Variants in SH3RF3 observed in about 807,000 individuals in gnomAD.
The protein encoded by SH3RF3 is SH3 domain containing ring finger 3.
In SH3RF3, 29 loss-of-function variants were observed where a neutral mutation model predicts 66.3. The ratio of observed to expected loss-of-function variants is 0.44; its 90% CI spans 0.33 to 0.60. The LOEUF (loss-of-function observed/expected upper bound fraction) is 0.60. Ranked by LOEUF, SH3RF3 falls within the 20% of genes least tolerant of loss-of-function variation. The pLI, the probability that SH3RF3 is intolerant of heterozygous loss-of-function variation, is 0.04. For missense variants in SH3RF3, 1,194 were observed against 1,190.9 expected, an observed-to-expected ratio of 1.00 and a Z score of -0.04; for synonymous variants, 583 against 532.0, an observed-to-expected ratio of 1.10 and a Z score of -1.32.
At chr2:109,500,785 C>CA (rs930373604) in intron 9 of SH3RF3, among the ~76,000 whole-genome samples, 63 of 151,110 alleles carry the variant, frequency 4.2e-4, no homozygotes, top group South Asian at 3.8e-3. Context: ...CCCATCTCTA[C>CA]AAAAAAAAAT....
intron 1 of SH3RF3, among the ~76,000 whole-genome samples, chr2:109,302,962 T>C (rs1681506015): frequency 6.6e-6 from 1 of 152,106 alleles, no homozygotes; most frequent in Non-Finnish European, 1.5e-5. Flanking sequence ...CTGCAACCTC[T>C]GCCTCCCAGG....
intron 3 of SH3RF3, among the ~76,000 whole-genome samples, chr2:109,395,131 T>C (rs964978794): frequency 2.6e-5 from 4 of 152,238 alleles, no homozygotes; most frequent in Admixed American, 2.6e-4. Flanking sequence ...CACAGATCTG[T>C]AGCAGTGCCT....
intron 1 of SH3RF3, among the ~76,000 whole-genome samples, chr2:109,164,062 A>T (rs1653545080): frequency 6.6e-6 from 1 of 152,152 alleles, no homozygotes; most frequent in Non-Finnish European, 1.5e-5. Flanking sequence ...TTTGCTTCTA[A>T]GGTGAACCCC....
chr2:109,458,000 G>A (rs773092883), intron 8 of SH3RF3, among the ~76,000 whole-genome samples: 4 of 152,100 alleles, frequency 2.6e-5, no homozygotes, highest in Non-Finnish European at 5.9e-5. Context: ...TGCTGGGTTC[G>A]GCATTCTATT....
At chr2:109,437,228 A>G (rs549463700) in intron 7 of SH3RF3, 82 bp downstream of exon 7, 3 of 1,490,070 alleles carry the variant, frequency 2.0e-6, no homozygotes, top group East Asian at 2.4e-5. Flanking sequence ...TCTTGGCCCA[A>G]GGCTCCAGCA....
intron 1 of SH3RF3, among the ~76,000 whole-genome samples, chr2:109,173,552 C>CT (rs749659767): frequency 7.2e-5 from 11 of 152,194 alleles, no homozygotes; most frequent in Non-Finnish European, 1.5e-4. Context: ...CAACAGAGCT[C>CT]TAACAGCAGA....
At chr2:109,378,736 C>A (rs1333454477) in intron 3 of SH3RF3, among the ~76,000 whole-genome samples, 4 of 152,202 alleles carry the variant, frequency 2.6e-5, no homozygotes, top group Non-Finnish European at 5.9e-5. Context: ...CTATAACCTT[C>A]TCTACTCCAT....
intron 1 of SH3RF3, among the ~76,000 whole-genome samples, chr2:109,149,368 G>T: frequency 6.6e-6 from 1 of 152,186 alleles, no homozygotes. Flanking sequence ...CAAGTGTCTG[G>T]CAGAGACTTT....
chr2:109,235,916 C>T (rs544160830), intron 1 of SH3RF3, among the ~76,000 whole-genome samples: 2 of 152,106 alleles, frequency 1.3e-5, no homozygotes, highest in Admixed American at 6.5e-5. Flanking sequence ...ACTGCCCTTA[C>T]TTTAAGAGGC....
intron 3 of SH3RF3, among the ~76,000 whole-genome samples, chr2:109,387,815 C>T (rs769052194): frequency 1.3e-5 from 2 of 152,068 alleles, no homozygotes; most frequent in Non-Finnish European, 2.9e-5. Context: ...GCAGTAGGTG[C>T]CCAATTCCAC....
intron 1 of SH3RF3, among the ~76,000 whole-genome samples, chr2:109,312,610 T>C (rs952494966): frequency 1.3e-5 from 2 of 152,150 alleles, no homozygotes; most frequent in African/African-American, 2.4e-5. Context: ...AGATTTGATA[T>C]AAGTGGAATC....
intron 1 of SH3RF3, among the ~76,000 whole-genome samples, chr2:109,262,267 G>C (rs1680375863): frequency 6.6e-6 from 1 of 152,240 alleles, no homozygotes; most frequent in Admixed American, 6.5e-5. Context: ...AGAGAAACCA[G>C]TTGTCTAAGT....
rs1445327899 is a variant in SH3RF3, at chr2:109,419,686, C to T, written c.1403+44C>T. 9 of 1,530,088 alleles carry T rather than the reference C, an allele frequency of 5.9e-6. No homozygotes were observed. The South Asian group carries it at 9.6e-5, about 16-fold the overall frequency. The allele number at this position is 1,530,088 out of a possible 1,614,324, so 94.8% of individuals were successfully genotyped here. A position where few individuals can be genotyped will look rare whatever the true frequency, so the allele number is the denominator to read the frequency against. On this transcript the variant is annotated intron_variant, in intron 5 of 9. Coordinates refer to ENST00000309415, the MANE Select transcript of SH3RF3 (RefSeq NM_001099289.3). ...CTGTCGGGGTCCTGTGCCTGCAGCCCTCCCTCCTGCCTGGGCTGACCTGTC... is the reference window on the plus strand; with the variant it reads ...CTGTCGGGGTCCTGTGCCTGCAGCCTTCCCTCCTGCCTGGGCTGACCTGTC...
At chr2:109,493,160 C>T (rs937632195) in intron 9 of SH3RF3, among the ~76,000 whole-genome samples, 2 of 142,776 alleles carry the variant, frequency 1.4e-5, no homozygotes, top group Admixed American at 7.4e-5. Context: ...AAAACACATA[C>T]ACCACACATA....
rs1256690256 is a variant in SH3RF3, at chr2:109,271,400, T to A, written c.574-76274T>A. 3.9e-5 allele frequency among the ~76,000 whole-genome samples: 6 copies of A among 152,176 alleles called. No individual in the cohort carries two copies. The East Asian group carries it at 1.2e-3, about 29-fold the overall frequency. On this transcript the variant is annotated intron_variant, in intron 1 of 9. Transcript: ENST00000309415. ...AACCCAAAAGCTCAAAACTGTAGAG[T>A]AAAAACATTTCACATTTGGCTTTTG...
intron 9 of SH3RF3, among the ~76,000 whole-genome samples, chr2:109,500,690 C>T (rs1048807999): frequency 1.3e-5 from 2 of 152,092 alleles, no homozygotes; most frequent in African/African-American, 2.4e-5. Flanking sequence ...GGCTCATGCT[C>T]GTAATCCCAG....
intron 1 of SH3RF3, among the ~76,000 whole-genome samples, chr2:109,325,388 C>T (rs1682130601): frequency 1.7e-5 from 2 of 118,616 alleles, no homozygotes; most frequent in African/African-American, 6.7e-5. Flanking sequence ...GTCACTCAGG[C>T]TGGAGTACAG....
intron 1 of SH3RF3, among the ~76,000 whole-genome samples, chr2:109,189,103 A>T (rs1012760726): frequency 1.3e-5 from 2 of 151,978 alleles, no homozygotes; most frequent in African/African-American, 4.8e-5. Context: ...TCTGAGAGAG[A>T]TGCCTCCACT....
intron 6 of SH3RF3, among the ~76,000 whole-genome samples, chr2:109,433,455 C>T (rs1677305940): frequency 6.6e-6 from 1 of 152,182 alleles, no homozygotes; most frequent in African/African-American, 2.4e-5. Flanking sequence ...GATGAGGATC[C>T]ACAGCTTGGT....
Sources: allele counts gnomAD v4.1 joint callset (sites outside exome capture counted in the v4.1 genomes callset), GRCh38; gene constraint gnomAD v4.1.1; transcripts MANE v1.5; gene names NCBI Gene and HGNC (gene_info 2026-07-23, HGNC 2026-07-21).